The following PPM1H variants were observed in gnomAD, a reference collection of about 807,000 sequenced individuals.
PPM1H encodes the protein protein phosphatase 1H.
In PPM1H, 27 loss-of-function variants were observed where a neutral mutation model predicts 54.9. That is an observed-to-expected ratio of 0.49 (90% CI 0.36 to 0.68). The LOEUF (loss-of-function observed/expected upper bound fraction) is 0.68. PPM1H is among the 30% of genes least tolerant of loss of function. The pLI is 0.00. For synonymous variants in PPM1H, 305 were observed against 270.8 expected, an observed-to-expected ratio of 1.13 and a Z score of -1.24; for missense variants, 596 against 667.8, an observed-to-expected ratio of 0.89 and a Z score of 1.19.
In PPM1H at chr12:62,934,732, A is replaced by G. The variant is rs1475093405; in HGVS notation, c.5T>C (p.Leu2Pro). 6.4e-7 allele frequency: 1 copy of G among 1,561,342 alleles called. No individual in the cohort carries two copies. The highest frequency in any genetic ancestry group is 8.7e-7 in the Non-Finnish European group (1 of 1,149,116). Reference protein sequence around the residue: MLTRVKSAVANF... With the variant: MPTRVKSAVANF... The stretch of plus-strand genomic sequence containing the variant: ...GGCCACGGCAGATTTCACTCGAGTG[A>G]GCATATTACTCCGGCGCCCGGCTGC... The change falls in exon 1 of 10, where the codon CTC becomes CCC. Residue 2 changes from leucine to proline, a missense_variant. This residue lies in a region of PPM1H where 382 missense variants were observed against 387.1 expected (regional missense o/e 0.99). Coordinates refer to ENST00000228705, the MANE Select transcript of PPM1H (RefSeq NM_020700.2). The surrounding 1 kb of genome is among the most constrained non-coding windows in gnomAD (Gnocchi z 4.2).
At chr12:62,807,619 T>TG (rs2076812540) in intron 2 of PPM1H, among the ~76,000 whole-genome samples, 3 of 151,176 alleles carry the variant, frequency 2.0e-5, no homozygotes, top group African/African-American at 7.3e-5. Flanking sequence ...GGTTTGTTGT[T>TG]TTTTAATCCC....
At chr12:62,897,292 TC>T (rs1871024481) in intron 1 of PPM1H, among the ~76,000 whole-genome samples, 1 of 151,836 alleles carries the variant, frequency 6.6e-6, no homozygotes. Context: ...CCTTGTGCCC[TC>T]CCCCATTATA....
At chr12:62,877,754 T>C (rs1870229600) in intron 1 of PPM1H, among the ~76,000 whole-genome samples, 1 of 152,072 alleles carries the variant, frequency 6.6e-6, no homozygotes, top group Non-Finnish European at 1.5e-5. Context: ...ATTTGCTGAG[T>C]GAAACCAGGA....
intron 6 of PPM1H, among the ~76,000 whole-genome samples, chr12:62,714,006 T>G (rs2120434647): frequency 6.6e-6 from 1 of 151,948 alleles, no homozygotes; most frequent in Middle Eastern, 3.4e-3. Context: ...CAAAAAACTC[T>G]TTGCTGTTGG....
At chr12:62,880,376 A>G (rs1471070268) in intron 1 of PPM1H, among the ~76,000 whole-genome samples, 2 of 152,198 alleles carry the variant, frequency 1.3e-5, no homozygotes, top group African/African-American at 4.8e-5. Context: ...AGAGATTGTA[A>G]CTTCCATTAT....
chr12:62,667,103 G>C (rs999897357), intron 9 of PPM1H, 75 bp downstream of exon 9: 1 of 1,428,454 alleles, frequency 7.0e-7, no homozygotes, highest in African/African-American at 1.4e-5. Flanking sequence ...TATGAAAATT[G>C]CATGATTATT....
intron 4 of PPM1H, among the ~76,000 whole-genome samples, chr12:62,752,036 T>C (rs1347407938): frequency 6.6e-6 from 1 of 152,148 alleles, no homozygotes; most frequent in African/African-American, 2.4e-5. Context: ...ACATAACCCA[T>C]TAAGTTGGGT....
chr12:62,836,346 T>C (rs1868503533), intron 1 of PPM1H, among the ~76,000 whole-genome samples: 1 of 152,236 alleles, frequency 6.6e-6, no homozygotes, highest in South Asian at 2.1e-4. Flanking sequence ...AATGAATGAA[T>C]CTGACAGAAA....
chr12:62,767,138 G>A (rs1289563070), intron 4 of PPM1H, among the ~76,000 whole-genome samples: 2 of 152,190 alleles, frequency 1.3e-5, no homozygotes, highest in Non-Finnish European at 1.5e-5. Context: ...GTGACTGGAG[G>A]AAGGTTGTCA....
intron 4 of PPM1H, among the ~76,000 whole-genome samples, chr12:62,768,233 C>T (rs1284667942): frequency 6.6e-6 from 1 of 152,120 alleles, no homozygotes; most frequent in Admixed American, 6.5e-5. Context: ...GAAAAGGCAG[C>T]AGGAGGGCAG....
intron 6 of PPM1H, among the ~76,000 whole-genome samples, chr12:62,707,418 C>T (rs1448656787): frequency 1.3e-5 from 2 of 152,162 alleles, no homozygotes; most frequent in African/African-American, 4.8e-5. Context: ...GGGCAAAGAC[C>T]ACCAGCAGCC....
chr12:62,705,889 T>C (rs533296199), intron 6 of PPM1H, among the ~76,000 whole-genome samples: 8 of 152,288 alleles, frequency 5.3e-5, no homozygotes, highest in Non-Finnish European at 7.4e-5. Flanking sequence ...TAGCTACAAA[T>C]GGTGGGGTGA....
Position 62,648,389 on chromosome 12 carries a change from T to C in PPM1H, c.*100A>G. 6.9e-7 allele frequency: 1 copy of C among 1,439,976 alleles called. No homozygotes were observed. The highest frequency in any genetic ancestry group is 9.6e-7 in the Non-Finnish European group (1 of 1,046,684). 89.2% of individuals were successfully genotyped at this position (1,439,976 alleles called of 1,614,324 possible). On this transcript the variant is annotated 3_prime_UTR_variant, in exon 10 of 10. Coordinates refer to ENST00000228705, the MANE Select transcript of PPM1H (RefSeq NM_020700.2). ...CTCCCCGCTTGGGCTGGGAAGAGAC[T>C]GCATCACTTGGAACTCAGCTGGGGC...
At chr12:62,653,622 T>C (rs1462374193) in intron 9 of PPM1H, among the ~76,000 whole-genome samples, 1 of 152,124 alleles carries the variant, frequency 6.6e-6, no homozygotes, top group Non-Finnish European at 1.5e-5. Flanking sequence ...TTTTTCATGG[T>C]GAGTGTGAAG....
chr12:62,667,451 G>T (rs1269872524), intron 8 of PPM1H, 122 bp from the exon 9 acceptor site: 2 of 873,852 alleles, frequency 2.3e-6, no homozygotes, highest in Non-Finnish European at 3.4e-6. Context: ...GATATGCATT[G>T]TAGGGTACTT....
chr12:62,755,791 G>T, intron 4 of PPM1H: 1 of 948,308 alleles, frequency 1.1e-6, no homozygotes, highest in Non-Finnish European at 1.7e-6. Context: ...AGAAGACTGT[G>T]GATGGCCCCT....
At chr12:62,750,268 T>C (rs2076435191) in intron 4 of PPM1H, among the ~76,000 whole-genome samples, 1 of 152,218 alleles carries the variant, frequency 6.6e-6, no homozygotes, top group Non-Finnish European at 1.5e-5. Flanking sequence ...TACTTTTTAG[T>C]AGCCACTCCC....
At chr12:62,906,862 G>A (rs1871317252) in intron 1 of PPM1H, among the ~76,000 whole-genome samples, 1 of 152,234 alleles carries the variant, frequency 6.6e-6, no homozygotes. Context: ...GACATGTATA[G>A]CGTAACAACA....
In PPM1H at chr12:62,847,583, C is replaced by A. The variant is rs144565473; in HGVS notation, c.246-15304G>T. 4.3e-4 allele frequency among the ~76,000 whole-genome samples: 66 copies of A among 152,312 alleles called. 1 individual carries two copies. Among genetic ancestry groups the A allele is most frequent in the African/African-American group, 1.6e-3 (65 of 41,564 alleles). On this transcript the variant is annotated intron_variant, in intron 1 of 9. Transcript: ENST00000228705. ...CACAAGCTCAAGGATCTCTACCTAA[C>A]ATCCTGTGCTAAGAGGTAAAAGACA...
Sources: allele counts gnomAD v4.1 joint callset (sites outside exome capture counted in the v4.1 genomes callset), GRCh38; gene constraint gnomAD v4.1.1; regional missense constraint gnomAD v4.1.1; non-coding constraint Gnocchi (gnomAD v3.1); transcripts MANE v1.5; gene names NCBI Gene and HGNC (gene_info 2026-07-23, HGNC 2026-07-21).